Variants in DNER observed in about 807,000 individuals in gnomAD.
DNER encodes delta and Notch-like epidermal growth factor-related receptor.
Under a neutral mutation model 78.2 loss-of-function variants are expected in DNER, and 33 were observed. The ratio of observed to expected loss-of-function variants is 0.42; its 90% CI spans 0.32 to 0.56. DNER has a LOEUF of 0.56. Ranked by LOEUF, DNER falls within the 20% of genes least tolerant of loss-of-function variation. The pLI is 0.11. For synonymous variants in DNER, 417 were observed against 384.8 expected (o/e 1.08, Z -0.98); for missense variants, 918 against 975.3 (o/e 0.94, Z 0.78).
chr2:229,655,599 A>G (rs1429519451), intron 1 of DNER, among the ~76,000 whole-genome samples: 6 of 152,192 alleles, frequency 3.9e-5, no homozygotes, highest in Admixed American at 3.9e-4. Context: ...TGGAATACAT[A>G]AAAGAAACTA....
chr2:229,447,498 G>A lies in DNER; in HGVS notation c.1304C>T (p.Ala435Val), dbSNP rs1574847350. Residue 435 changes from alanine to valine, a missense_variant, in exon 8 of 13, where the codon GCC becomes GTC. Ala to Val is a moderately conservative substitution (Grantham distance 64). Coordinates refer to ENST00000341772, the MANE Select transcript of DNER (RefSeq NM_139072.4). ...GCCGTTGTTCTGGCACGGAGACGAG[G>A]CGCAGGGGTCCACCTTTTCTTCACA... is the stretch of plus-strand genomic sequence containing the variant. ...SACEEKVDPC[A>V]SSPCQNNGTC... The A allele has an allele frequency of 1.9e-6, 3 of 1,614,168 alleles. No homozygotes were observed. The highest frequency in any genetic ancestry group is 2.2e-5 in the East Asian group (1 of 44,890).
At chr2:229,616,687 C>A (rs1043578794) in intron 1 of DNER, among the ~76,000 whole-genome samples, 1 of 152,212 alleles carries the variant, frequency 6.6e-6, no homozygotes, top group East Asian at 1.9e-4. Flanking sequence ...AGTGAGGGAG[C>A]TGTCTCAGAT....
chr2:229,691,540 C>A (rs373844419), intron 1 of DNER, among the ~76,000 whole-genome samples: 38 of 151,756 alleles, frequency 2.5e-4, no homozygotes, highest in African/African-American at 8.9e-4. Flanking sequence ...TAATAGTTTT[C>A]CATTAAGAGT....
intron 10 of DNER, among the ~76,000 whole-genome samples, chr2:229,388,789 T>C (rs1692957479): frequency 6.6e-6 from 1 of 151,642 alleles, no homozygotes; most frequent in Non-Finnish European, 1.5e-5. Flanking sequence ...CTTGATATTA[T>C]TAAAGAAGTC....
rs575789094 is a variant in DNER at position 229,393,543 on chromosome 2, G to T, written c.1724-5147C>A. ...CAAACTGAAACTCAGAAAGAAAAAA[G>T]ACTTTTTAAAAAACTAAGTAGAAGC... On this transcript the variant is annotated intron_variant, in intron 10 of 12. Coordinates refer to ENST00000341772, the MANE Select transcript of DNER (RefSeq NM_139072.4). Among the ~76,000 whole-genome samples the T allele has an allele frequency of 7.2e-5, 11 of 151,858 alleles. No homozygotes were observed. In the East Asian group the frequency reaches 2.1e-3, roughly 29 times the overall value.
chr2:229,487,912 C>T (rs74721862), intron 6 of DNER, among the ~76,000 whole-genome samples: 1 of 152,222 alleles, frequency 6.6e-6, no homozygotes, highest in Non-Finnish European at 1.5e-5. Context: ...GCCGGGGAAA[C>T]AAGGCTAGGC....
At chr2:229,555,527 G>A (rs1262606029) in intron 4 of DNER, among the ~76,000 whole-genome samples, 1 of 152,122 alleles carries the variant, frequency 6.6e-6, no homozygotes, top group Non-Finnish European at 1.5e-5. Flanking sequence ...ATGTCCATCT[G>A]TGCTCAGGCG....
At chr2:229,526,066 A>G (rs1696202487) in intron 5 of DNER, among the ~76,000 whole-genome samples, 1 of 152,234 alleles carries the variant, frequency 6.6e-6, no homozygotes. Flanking sequence ...TTAATTAGAA[A>G]AAGAATCATT....
At chr2:229,446,660 G>A (rs1035935328) in intron 8 of DNER, among the ~76,000 whole-genome samples, 1 of 152,196 alleles carries the variant, frequency 6.6e-6, no homozygotes. Context: ...GACTACACTA[G>A]TGGGTTGTGC....
intron 1 of DNER, among the ~76,000 whole-genome samples, chr2:229,664,673 ATAATTAGACCT>A (rs1699059717): frequency 6.6e-6 from 1 of 152,200 alleles, no homozygotes; most frequent in Admixed American, 6.5e-5. Context: ...AAGAAGCTTC[ATAATTAGACCT>A]TAAGCTGGTA....
intron 1 of DNER, among the ~76,000 whole-genome samples, chr2:229,711,328 A>G (rs1052748300): frequency 3.3e-5 from 5 of 152,234 alleles, no homozygotes; most frequent in Non-Finnish European, 7.3e-5. Context: ...TGGAATCACT[A>G]TCTTCATGAG....
chr2:229,387,535 G>GAAAT (rs1378939915), intron 11 of DNER, among the ~76,000 whole-genome samples: 1 of 141,740 alleles, frequency 7.1e-6, no homozygotes, highest in Non-Finnish European at 1.5e-5. Flanking sequence ...AAGAAAGAAA[G>GAAAT]AAAGAAAGAA....
rs147893950 is a variant in DNER at position 229,668,880 on chromosome 2, A to T, written c.276+45268T>A. Among the ~76,000 whole-genome samples the T allele has an allele frequency of 2.3e-3, 357 of 152,194 alleles. 1 individual carries two copies. The highest frequency in any genetic ancestry group is 8.1e-3 in the African/African-American group (338 of 41,512). ...CAATTCCATTACTGGGTATATATCC[A>T]AAGAATTATAAATTATTCTACTATA... On this transcript the variant is annotated intron_variant, in intron 1 of 12. Coordinates refer to ENST00000341772, the MANE Select transcript of DNER (RefSeq NM_139072.4).
intron 1 of DNER, among the ~76,000 whole-genome samples, chr2:229,687,371 C>A (rs1457337786): frequency 1.3e-5 from 2 of 149,972 alleles, no homozygotes; most frequent in African/African-American, 4.9e-5. Flanking sequence ...TCAAGCAATT[C>A]TTCTGCCTCA....
At chr2:229,705,634 G>C (rs1195392483) in intron 1 of DNER, among the ~76,000 whole-genome samples, 1 of 152,118 alleles carries the variant, frequency 6.6e-6, no homozygotes, top group East Asian at 1.9e-4. Context: ...CACCATGCCT[G>C]GGCTCAGATC....
chr2:229,429,248 T>C (rs1306215601), intron 8 of DNER, among the ~76,000 whole-genome samples: 1 of 152,220 alleles, frequency 6.6e-6, no homozygotes, highest in Non-Finnish European at 1.5e-5. Flanking sequence ...TGATGCTATT[T>C]TCTTTTTATT....
At chr2:229,471,622 A>G (rs56414048) in intron 7 of DNER, among the ~76,000 whole-genome samples, 54,897 of 152,040 alleles carry the variant, frequency 0.36, 11,698 homozygotes, top group African/African-American at 0.59. Context: ...TTTACCGAAG[A>G]AAACTAAGGG....
At chr2:229,451,525 C>G (rs1017592731) in intron 7 of DNER, among the ~76,000 whole-genome samples, 1 of 152,290 alleles carries the variant, frequency 6.6e-6, no homozygotes, top group East Asian at 1.9e-4. Flanking sequence ...ATTTGCATCA[C>G]CTGGTTCTAA....
intron 8 of DNER, among the ~76,000 whole-genome samples, chr2:229,426,164 G>A (rs956206003): frequency 3.3e-5 from 5 of 152,042 alleles, no homozygotes; most frequent in African/African-American, 4.8e-5. Context: ...TATGGGGGCC[G>A]GGCGCGGTGG....
Sources: gnomAD v4.1 joint callset for allele counts (sites outside exome capture counted in the v4.1 genomes callset) on GRCh38, gnomAD v4.1.1 for gene constraint, MANE v1.5 for transcripts, NCBI Gene and HGNC (gene_info 2026-07-23, HGNC 2026-07-21) for gene names.